TSPAN5: variants seen among roughly 807,000 people sequenced by gnomAD.
TSPAN5 encodes the protein tetraspanin-5.
A neutral mutation model predicts 37.1 loss-of-function variants in TSPAN5; 10 were observed. The observed-to-expected ratio is 0.27, with a 90% CI of 0.17 to 0.46. The LOEUF (loss-of-function observed/expected upper bound fraction) is 0.46. Ranked by LOEUF, TSPAN5 falls within the 20% of genes least tolerant of loss-of-function variation. The probability of loss-of-function intolerance (pLI) is 1.00; values close to 1 mark genes in which losing one functional copy is unlikely to be tolerated. For synonymous variants in TSPAN5, 110 were observed against 118.9 expected, an observed-to-expected ratio of 0.93 and a Z score of 0.48; for missense variants, 195 against 326.6, an observed-to-expected ratio of 0.60 and a Z score of 3.11.
intron 1 of TSPAN5, among the ~76,000 whole-genome samples, chr4:98,601,920 T>C (rs1003364377): frequency 6.6e-6 from 1 of 152,188 alleles, no homozygotes; most frequent in Non-Finnish European, 1.5e-5. Context: ...AATTTCAATA[T>C]TGTTGTGTCT....
chr4:98,504,566 G>A (rs893055598), intron 2 of TSPAN5, among the ~76,000 whole-genome samples: 1 of 152,206 alleles, frequency 6.6e-6, no homozygotes, highest in Non-Finnish European at 1.5e-5. Flanking sequence ...CCCATATTAA[G>A]AGTGGACAGC....
At chr4:98,586,156 A>G (rs1392868926) in intron 1 of TSPAN5, among the ~76,000 whole-genome samples, 1 of 152,228 alleles carries the variant, frequency 6.6e-6, no homozygotes, top group Non-Finnish European at 1.5e-5. Flanking sequence ...ATGTACCAGG[A>G]AAGTTCTTTA....
intron 1 of TSPAN5, among the ~76,000 whole-genome samples, chr4:98,656,958 G>A (rs1197531789): frequency 1.3e-5 from 2 of 152,136 alleles, no homozygotes; most frequent in Non-Finnish European, 2.9e-5. Context: ...AGACTGCTGT[G>A]GATAATTATT....
At chr4:98,621,113 T>G (rs1312662912) in intron 1 of TSPAN5, among the ~76,000 whole-genome samples, 1 of 152,030 alleles carries the variant, frequency 6.6e-6, no homozygotes, top group Non-Finnish European at 1.5e-5. Context: ...GAGACCACCA[T>G]GTGAAAATGA....
intron 1 of TSPAN5, among the ~76,000 whole-genome samples, chr4:98,611,045 G>A (rs1756175169): frequency 6.6e-6 from 1 of 152,166 alleles, no homozygotes; most frequent in East Asian, 1.9e-4. Context: ...TTGCACCACT[G>A]GCTAAGACAT....
At position 98,507,821 on chromosome 4, in the gene TSPAN5, G is replaced by A. The variant is rs1753511681; in HGVS notation, c.82-93C>T. Reference sequence around the variant, plus strand: ...ATCAATTCTTTTGTCACTTTACCTGGCTGGGAAATAGCTTTTCCTAAAGTG... The same window carrying A: ...ATCAATTCTTTTGTCACTTTACCTGACTGGGAAATAGCTTTTCCTAAAGTG... On this transcript the variant is annotated intron_variant, in intron 1 of 7. Coordinates refer to ENST00000305798, the MANE Select transcript of TSPAN5 (RefSeq NM_005723.4). The A allele has an allele frequency of 1.1e-5, 10 of 884,454 alleles. No individual in the cohort carries two copies. In the South Asian group the frequency reaches 1.6e-4, roughly 15 times the overall value. The allele number at this position is 884,454 out of a possible 1,614,324, so 54.8% of individuals were successfully genotyped here.
chr4:98,621,788 A>ACC (rs373904542), intron 1 of TSPAN5, among the ~76,000 whole-genome samples: 168 of 130,474 alleles, frequency 1.3e-3, no homozygotes, highest in Middle Eastern at 0.011. Flanking sequence ...CCTCATTCCC[A>ACC]CCCCCCCCGC....
intron 1 of TSPAN5, among the ~76,000 whole-genome samples, chr4:98,539,154 A>C (rs1300909377): frequency 6.6e-6 from 1 of 152,122 alleles, no homozygotes; most frequent in Non-Finnish European, 1.5e-5. Flanking sequence ...AAAAAAAAAA[A>C]AACCAAAAAA....
At position 98,472,615 on chromosome 4, in the gene TSPAN5, A is replaced by G. The variant is rs373493123; in HGVS notation, c.742-28T>C. ...GAGAAAGGAAGAAAATGTGAGTGAA[A>G]CAGTGACACTTGTAACTTGTTTCCC... On this transcript the variant is annotated intron_variant, in intron 7 of 7. Coordinates refer to ENST00000305798, the MANE Select transcript of TSPAN5 (RefSeq NM_005723.4). 6.3e-6 allele frequency: 10 copies of G among 1,593,490 alleles called. No individual in the cohort carries two copies. The African/African-American group carries it at 1.3e-4, about 21-fold the overall frequency.
At chr4:98,528,700 G>A (rs1380922904) in intron 1 of TSPAN5, among the ~76,000 whole-genome samples, 1 of 152,072 alleles carries the variant, frequency 6.6e-6, no homozygotes, top group Non-Finnish European at 1.5e-5. Context: ...ATTGAAATTT[G>A]CATTAAATAG....
chr4:98,499,040 C>T (rs1753282385), intron 2 of TSPAN5, among the ~76,000 whole-genome samples: 2 of 152,186 alleles, frequency 1.3e-5, no homozygotes, highest in African/African-American at 4.8e-5. Flanking sequence ...CTCAGAGGTG[C>T]ACTGGCTGAG....
At chr4:98,627,774 T>C (rs1405286993) in intron 1 of TSPAN5, among the ~76,000 whole-genome samples, 1 of 152,200 alleles carries the variant, frequency 6.6e-6, no homozygotes, top group Non-Finnish European at 1.5e-5. Flanking sequence ...ACTCAAAACA[T>C]ACTTTTTACA....
At chr4:98,533,950 A>AAAAAAACAAAC (rs943564449) in intron 1 of TSPAN5, among the ~76,000 whole-genome samples, 14 of 141,432 alleles carry the variant, frequency 9.9e-5, no homozygotes, top group South Asian at 4.5e-4. Context: ...AAAAAAAAAA[A>AAAAAAACAAAC]AAAAAAAAAA....
intron 2 of TSPAN5, among the ~76,000 whole-genome samples, chr4:98,487,088 A>AAGAGAG (rs369637803): frequency 1.2e-4 from 17 of 145,680 alleles, no homozygotes; most frequent in Non-Finnish European, 1.7e-4. Context: ...AAGAAAGAGA[A>AAGAGAG]AGAGAGAGAA....
intron 1 of TSPAN5, among the ~76,000 whole-genome samples, chr4:98,545,161 T>A (rs535004922): frequency 6.6e-6 from 1 of 152,118 alleles, no homozygotes; most frequent in African/African-American, 2.4e-5. Context: ...GAGAAGAGGG[T>A]TTTTCTTCCT....
intron 1 of TSPAN5, among the ~76,000 whole-genome samples, chr4:98,624,252 T>C (rs2178216): frequency 3.3e-5 from 5 of 151,338 alleles, no homozygotes; most frequent in Non-Finnish European, 7.4e-5. Flanking sequence ...AAACACAGAA[T>C]TGAAATACAA....
chr4:98,577,891 C>T (rs186942549), intron 1 of TSPAN5, among the ~76,000 whole-genome samples: 515 of 152,284 alleles, frequency 3.4e-3, no homozygotes, highest in Non-Finnish European at 5.8e-3. Context: ...CAGCACAGTG[C>T]CCGGCACATG....
chr4:98,656,327 T>G (rs1006640013), intron 1 of TSPAN5, among the ~76,000 whole-genome samples: 12 of 152,180 alleles, frequency 7.9e-5, no homozygotes, highest in Non-Finnish European at 1.8e-4. Context: ...AGTCCCTGGG[T>G]GCTTTTTGTT....
At chr4:98,657,491 C>T (rs751921864) in intron 1 of TSPAN5, 15 of 153,156 alleles carry the variant, frequency 9.8e-5, no homozygotes, top group African/African-American at 1.4e-4. Context: ...TATATACATA[C>T]AAATAAATCC....
Sources: allele counts gnomAD v4.1 joint callset (sites outside exome capture counted in the v4.1 genomes callset), GRCh38; gene constraint gnomAD v4.1.1; transcripts MANE v1.5; gene names NCBI Gene and HGNC (gene_info 2026-07-23, HGNC 2026-07-21).